The following KCNIP4 variants were observed in gnomAD, a reference collection of about 807,000 sequenced individuals.
The protein encoded by KCNIP4 is potassium voltage-gated channel interacting protein 4.
Under a neutral mutation model 34.0 loss-of-function variants are expected in KCNIP4, and 12 were observed. The ratio of observed to expected loss-of-function variants is 0.35; its 90% confidence interval spans 0.23 to 0.57. The LOEUF (loss-of-function observed/expected upper bound fraction) is 0.57, where lower values mean the gene tolerates loss of function less well. KCNIP4 is among the 20% of genes least tolerant of loss of function. KCNIP4 has a pLI of 0.83. For missense variants in KCNIP4, 238 were observed against 311.7 expected (o/e 0.76, Z 1.78); for synonymous variants, 124 against 102.2 (o/e 1.21, Z -1.29).
intron 1 of KCNIP4, among the ~76,000 whole-genome samples, chr4:21,402,284 G>A (rs1309934293): frequency 6.6e-6 from 1 of 152,148 alleles, no homozygotes; most frequent in African/African-American, 2.4e-5. Flanking sequence ...TACACTCATG[G>A]TTGCAAATTC....
intron 3 of KCNIP4, among the ~76,000 whole-genome samples, chr4:20,837,686 ATTT>A (rs1318687393): frequency 8.5e-6 from 1 of 117,400 alleles, no homozygotes; most frequent in African/African-American, 3.4e-5. Context: ...ATATATATAT[ATTT>A]TTTTTTCCTT....
intron 1 of KCNIP4, among the ~76,000 whole-genome samples, chr4:21,289,799 G>A (rs1763329255): frequency 6.6e-6 from 1 of 152,098 alleles, no homozygotes; most frequent in Non-Finnish European, 1.5e-5. Flanking sequence ...TGCTGCTAGG[G>A]AAATAAAATG....
intron 1 of KCNIP4, among the ~76,000 whole-genome samples, chr4:21,335,927 A>C (rs898231971): frequency 2.0e-5 from 3 of 152,106 alleles, no homozygotes; most frequent in Admixed American, 1.3e-4. Context: ...GTCTATTAGT[A>C]CCCTCTCTAC....
In KCNIP4 at chr4:21,178,481, C is replaced by A. The variant is rs1346636116; in HGVS notation, c.62-295772G>T. Among the ~76,000 whole-genome samples the A allele has an allele frequency of 3.0e-3, 449 of 148,306 alleles. 3 individuals are homozygous for A. Among genetic ancestry groups the A allele is most frequent in the African/African-American group, 0.011 (422 of 37,926 alleles). On this transcript the variant is annotated intron_variant, in intron 1 of 8. Coordinates refer to ENST00000382152, the MANE Select transcript of KCNIP4 (RefSeq NM_025221.6). ...ATGAAGGTAGTGGATTCACAGACCT[C>A]AGTTTATTTCCAGGTATAGTAACCA...
At chr4:21,801,099 C>T (rs1428390875) in intron 1 of KCNIP4, among the ~76,000 whole-genome samples, 1 of 152,142 alleles carries the variant, frequency 6.6e-6, no homozygotes, top group African/African-American at 2.4e-5. Flanking sequence ...GGTTCAGAGA[C>T]TTTTAAATGT....
intron 1 of KCNIP4, among the ~76,000 whole-genome samples, chr4:21,070,700 G>C (rs901496287): frequency 8.9e-5 from 8 of 89,504 alleles, no homozygotes; most frequent in African/African-American, 3.5e-4. Context: ...TTTTGAGACA[G>C]AGTCTTGCTC....
chr4:21,398,830 T>C (rs1388079801), intron 1 of KCNIP4, among the ~76,000 whole-genome samples: 3 of 152,220 alleles, frequency 2.0e-5, no homozygotes, highest in Non-Finnish European at 4.4e-5. Flanking sequence ...TAGAGAATTT[T>C]AGACTAGAAA....
At chr4:21,437,432 T>A (rs987328604) in intron 1 of KCNIP4, among the ~76,000 whole-genome samples, 1 of 152,212 alleles carries the variant, frequency 6.6e-6, no homozygotes, top group Non-Finnish European at 1.5e-5. Context: ...GCAAGACTAA[T>A]GGAGCCTTGA....
At chr4:21,420,455 A>G (rs1725355296) in intron 1 of KCNIP4, among the ~76,000 whole-genome samples, 1 of 152,188 alleles carries the variant, frequency 6.6e-6, no homozygotes, top group South Asian at 2.1e-4. Flanking sequence ...CGATACATAC[A>G]TCAGATAAAT....
intron 2 of KCNIP4, among the ~76,000 whole-genome samples, chr4:20,868,039 A>G (rs1723049949): frequency 6.6e-6 from 1 of 152,044 alleles, no homozygotes; most frequent in Admixed American, 6.6e-5. Context: ...AAAAGAAGCT[A>G]TCAACAAAGC....
At chr4:20,798,372 G>A (rs909947020) in intron 3 of KCNIP4, among the ~76,000 whole-genome samples, 1 of 152,128 alleles carries the variant, frequency 6.6e-6, no homozygotes, top group Non-Finnish European at 1.5e-5. Context: ...CATGTCTAAA[G>A]GATAAAAGCG....
intron 1 of KCNIP4, among the ~76,000 whole-genome samples, chr4:21,667,325 T>C (rs1577797873): frequency 6.6e-6 from 1 of 152,328 alleles, no homozygotes; most frequent in South Asian, 2.1e-4. Flanking sequence ...TGATTTCACA[T>C]GTCCGTTAAT....
At chr4:20,858,993 T>C (rs1422884046) in intron 2 of KCNIP4, among the ~76,000 whole-genome samples, 1 of 152,192 alleles carries the variant, frequency 6.6e-6, no homozygotes, top group Non-Finnish European at 1.5e-5. Flanking sequence ...CTTTAAGAGA[T>C]GGCAACAATT....
At chr4:20,997,650 C>T (rs1363990901) in intron 1 of KCNIP4, among the ~76,000 whole-genome samples, 1 of 152,186 alleles carries the variant, frequency 6.6e-6, no homozygotes, top group African/African-American at 2.4e-5. Context: ...CCTTAGCATG[C>T]TTCTCTCTGG....
At chr4:21,064,865 A>T (rs1302159345) in intron 1 of KCNIP4, among the ~76,000 whole-genome samples, 1 of 152,234 alleles carries the variant, frequency 6.6e-6, no homozygotes. Flanking sequence ...AATACAAGAA[A>T]AATCTCTCAA....
intron 1 of KCNIP4, among the ~76,000 whole-genome samples, chr4:21,864,879 C>T (rs890099239): frequency 6.6e-6 from 1 of 152,134 alleles, no homozygotes; most frequent in Non-Finnish European, 1.5e-5. Flanking sequence ...GGCATAAATG[C>T]GGAAAATTGG....
intron 1 of KCNIP4, among the ~76,000 whole-genome samples, chr4:20,917,169 C>G (rs958163005): frequency 6.6e-6 from 1 of 150,854 alleles, no homozygotes; most frequent in Admixed American, 6.6e-5. Flanking sequence ...TCCCAAGTAG[C>G]TGGGATTACA....
chr4:21,233,914 A>G (rs2109026278), intron 1 of KCNIP4, among the ~76,000 whole-genome samples: 1 of 134,200 alleles, frequency 7.5e-6, no homozygotes, highest in Non-Finnish European at 1.5e-5. Context: ...AATATATATT[A>G]TATATTATGT....
intron 1 of KCNIP4, among the ~76,000 whole-genome samples, chr4:21,132,033 T>C (rs539500746): frequency 1.2e-4 from 19 of 152,296 alleles, no homozygotes; most frequent in African/African-American, 4.1e-4. Context: ...GGAGATTGTG[T>C]GTGAAAGATG....
Sources: gnomAD v4.1 joint callset for allele counts (sites outside exome capture counted in the v4.1 genomes callset) on GRCh38, gnomAD v4.1.1 for gene constraint, MANE v1.5 for transcripts, NCBI Gene and HGNC (gene_info 2026-07-23, HGNC 2026-07-21) for gene names.